Variants in TRDMT1 observed in about 807,000 individuals in gnomAD.
TRDMT1 encodes tRNA aspartic acid methyltransferase 1, also known as tRNA (cytosine(38)-C(5))-methyltransferase.
TRDMT1 carries 49 observed loss-of-function variants against 51.2 expected under a neutral mutation model. The ratio of observed to expected loss-of-function variants is 0.96; its 90% CI spans 0.76 to 1.21. The LOEUF (loss-of-function observed/expected upper bound fraction) is 1.21, where lower values mean the gene tolerates loss of function less well. Among genes scored for constraint, TRDMT1 ranks in the 50% most tolerant of loss-of-function variants. TRDMT1 has a pLI of 0.00. For missense variants in TRDMT1, 534 were observed against 462.3 expected (o/e 1.16, Z -1.42); for synonymous variants, 187 against 164.6 (o/e 1.14, Z -1.04).
chr10:17,172,303 G>T (rs946321314), intron 2 of TRDMT1, among the ~76,000 whole-genome samples: 2 of 152,068 alleles, frequency 1.3e-5, no homozygotes, highest in Admixed American at 6.6e-5. Flanking sequence ...GATAACACTG[G>T]AAAGTATTAA....
chr10:17,194,932 C>CAA (rs71377022), intron 1 of TRDMT1, among the ~76,000 whole-genome samples: 14,829 of 98,958 alleles, frequency 0.15, 1,314 homozygotes, highest in Admixed American at 0.18. Context: ...GAATCCGACT[C>CAA]AAAAAAAAAA....
intron 2 of TRDMT1, among the ~76,000 whole-genome samples, chr10:17,169,151 C>T (rs768648340): frequency 2.0e-5 from 3 of 152,154 alleles, no homozygotes; most frequent in Non-Finnish European, 4.4e-5. Flanking sequence ...CAGCACCAGC[C>T]CAGAGCTGGA....
intron 1 of TRDMT1, among the ~76,000 whole-genome samples, chr10:17,193,400 G>C (rs548649075): frequency 6.6e-6 from 1 of 152,140 alleles, no homozygotes; most frequent in East Asian, 1.9e-4. Flanking sequence ...TTTATACCTA[G>C]AATACTCTAA....
intron 8 of TRDMT1, among the ~76,000 whole-genome samples, chr10:17,155,457 C>A (rs879333684): frequency 6.6e-6 from 1 of 152,088 alleles, no homozygotes; most frequent in Non-Finnish European, 1.5e-5. Context: ...TTTTATCAGG[C>A]CTGAACCATC....
chr10:17,144,168 T>G lies in TRDMT1; in HGVS notation c.*4872A>C. On this transcript the variant is annotated 3_prime_UTR_variant, in exon 11 of 11. Coordinates refer to ENST00000377799, the MANE Select transcript of TRDMT1 (RefSeq NM_004412.7). ...CAAGCCTCTGCTCTTCTTTTTCTCTTTCTCTCTTTCACTCTCATCCTCTGA... is the reference window on the plus strand; with the variant it reads ...CAAGCCTCTGCTCTTCTTTTTCTCTGTCTCTCTTTCACTCTCATCCTCTGA... The G allele has an allele frequency of 1.0e-6, 1 of 985,184 alleles. No individual in the cohort carries two copies. The highest frequency in any genetic ancestry group is 1.2e-6 in the Non-Finnish European group (1 of 829,518). 61.0% of individuals were successfully genotyped at this position (985,184 alleles called of 1,614,324 possible). A position where few individuals can be genotyped will look rare whatever the true frequency, so the allele number is the denominator to read the frequency against.
At chr10:17,159,583 A>G (rs997908066) in intron 6 of TRDMT1, among the ~76,000 whole-genome samples, 2 of 152,146 alleles carry the variant, frequency 1.3e-5, no homozygotes, top group African/African-American at 4.8e-5. Flanking sequence ...TTGGCTATTT[A>G]TTACCTCATT....
At chr10:17,150,291 G>T in intron 10 of TRDMT1, 1 of 665,356 alleles carries the variant, frequency 1.5e-6, no homozygotes, top group Non-Finnish European at 1.9e-6. Context: ...GAGAAATGTT[G>T]ACTCAAATCC....
Position 17,144,078 on chromosome 10 carries a change from A to C in TRDMT1, c.*4962T>G. 3.0e-6 allele frequency: 3 copies of C among 985,436 alleles called. 1 individual carries two copies. The highest frequency in any genetic ancestry group is 5.2e-4 in the Middle Eastern group (1 of 1,914). The allele number at this position is 985,436 out of a possible 1,614,324, so 61.0% of individuals were successfully genotyped here. ...TAGGAAAGGGTGAGAATCTCTAAGA[A>C]AAATGGCATGAAAAGTGAAGGGTAG... On this transcript the variant is annotated 3_prime_UTR_variant, in exon 11 of 11. Coordinates refer to ENST00000377799, the MANE Select transcript of TRDMT1 (RefSeq NM_004412.7).
Position 17,157,560 on chromosome 10 carries a change from A to T in TRDMT1, c.768T>A (p.Phe256Leu). ...GGTTCACGTCAGTGTCATCTTCAAG[A>T]AAATCTTTTAGCATTTTCACAGAGA... Reference protein sequence around the residue: ...SDLSVKMLKDFLEDDTDVNQY... With the variant: ...SDLSVKMLKDLLEDDTDVNQY... Residue 256 changes from phenylalanine (F) to leucine (L), a missense_variant, in exon 8 of 11, where the codon TTT (phenylalanine) becomes TTA (leucine). By Grantham distance (22) the Phe-to-Leu change is conservative (BLOSUM62 0). Coordinates refer to ENST00000377799, the MANE Select transcript of TRDMT1 (RefSeq NM_004412.7). 1.9e-6 allele frequency: 3 copies of T among 1,614,098 alleles called. No individual in the cohort carries two copies. Among genetic ancestry groups the T allele is most frequent in the Non-Finnish European group, 2.5e-6 (3 of 1,179,976 alleles).
intron 2 of TRDMT1, chr10:17,169,549 A>C: frequency 1.6e-6 from 2 of 1,288,666 alleles, no homozygotes; most frequent in Non-Finnish European, 1.0e-6. Context: ...TCTATATCTC[A>C]GAAGACAAAC....
intron 1 of TRDMT1, among the ~76,000 whole-genome samples, chr10:17,193,428 T>C (rs1844969872): frequency 6.6e-6 from 1 of 152,208 alleles, no homozygotes; most frequent in African/African-American, 2.4e-5. Flanking sequence ...ACCAAAAGTC[T>C]ACTGGAACTA....
At chr10:17,162,077 C>T (rs762506315) in intron 4 of TRDMT1, 89 bp downstream of exon 4, 4 of 1,143,882 alleles carry the variant, frequency 3.5e-6, no homozygotes, top group Non-Finnish European at 5.2e-6. Context: ...GTATAAATGG[C>T]TATCCTCTAC....
chr10:17,198,290 C>T (rs954977611), intron 1 of TRDMT1, among the ~76,000 whole-genome samples: 4 of 152,146 alleles, frequency 2.6e-5, no homozygotes, highest in African/African-American at 9.7e-5. Flanking sequence ...CCAGCAATTC[C>T]ACTGCTAGGT....
chr10:17,148,161 T>C lies in TRDMT1; in HGVS notation c.*879A>G, dbSNP rs894408148. On this transcript the variant is annotated 3_prime_UTR_variant, in exon 11 of 11. Coordinates refer to ENST00000377799, the MANE Select transcript of TRDMT1 (RefSeq NM_004412.7). ...GAAGAGAGACAGAGAAAGTTAAAAG[T>C]CATAAAAGTTCATTGAGAGTGTATG... The C allele has an allele frequency of 2.0e-6, 2 of 985,310 alleles. No homozygotes were observed. The highest frequency in any genetic ancestry group is 3.5e-5 in the African/African-American group (2 of 57,300). The allele number at this position is 985,310 out of a possible 1,614,324, so 61.0% of individuals were successfully genotyped here.
intron 1 of TRDMT1, among the ~76,000 whole-genome samples, chr10:17,197,340 G>C (rs1249790729): frequency 3.9e-5 from 6 of 152,032 alleles, no homozygotes; most frequent in Admixed American, 3.9e-4. Context: ...AGCAAAGAAT[G>C]TTACATTTAA....
intron 1 of TRDMT1, among the ~76,000 whole-genome samples, chr10:17,187,001 T>C (rs1360614889): frequency 1.3e-5 from 2 of 152,222 alleles, no homozygotes; most frequent in Non-Finnish European, 2.9e-5. Flanking sequence ...TCTTCACCAG[T>C]GTTATGTCAG....
intron 1 of TRDMT1, among the ~76,000 whole-genome samples, chr10:17,189,031 C>A (rs1473732667): frequency 6.6e-6 from 1 of 152,034 alleles, no homozygotes; most frequent in African/African-American, 2.4e-5. Flanking sequence ...TTTCTTCAGG[C>A]TAATGTAGTT....
intron 1 of TRDMT1, 115 bp from the exon 2 acceptor site, chr10:17,174,775 A>C (rs1842436463): frequency 1.2e-6 from 1 of 811,232 alleles, no homozygotes; most frequent in African/African-American, 1.8e-5. Flanking sequence ...TATTAGCCTC[A>C]TCTCAGACTG....
intron 3 of TRDMT1, among the ~76,000 whole-genome samples, chr10:17,164,319 C>A (rs1484055709): frequency 6.6e-6 from 1 of 152,144 alleles, no homozygotes; most frequent in Non-Finnish European, 1.5e-5. Flanking sequence ...AACTCAACAA[C>A]CCTTCATGCT....
Sources: gnomAD v4.1 joint callset for allele counts (sites outside exome capture counted in the v4.1 genomes callset) on GRCh38, gnomAD v4.1.1 for gene constraint, MANE v1.5 for transcripts, NCBI Gene and HGNC (gene_info 2026-07-23, HGNC 2026-07-21) for gene names.